Variants in ZNF407 observed in about 807,000 individuals in gnomAD.
The protein encoded by ZNF407 is zinc finger protein 407.
A neutral mutation model predicts 131.2 loss-of-function variants in ZNF407; 17 were observed. The observed-to-expected ratio is 0.13, with a 90% CI of 0.09 to 0.19. ZNF407 has a LOEUF of 0.19. Ranked by LOEUF, ZNF407 falls within the 10% of genes least tolerant of loss-of-function variation. ZNF407 has a pLI of 1.00. For synonymous variants in ZNF407, 1,156 were observed against 1,062.0 expected (o/e 1.09, Z -1.72); for missense variants, 2,681 against 2,830.6 (o/e 0.95, Z 1.20).
At chr18:74,830,336 G>A (rs994595721) in intron 4 of ZNF407, among the ~76,000 whole-genome samples, 4 of 152,188 alleles carry the variant, frequency 2.6e-5, no homozygotes, top group African/African-American at 9.7e-5. Context: ...AGGCTGCAGT[G>A]TTGTAGTGTG....
At chr18:74,937,190 C>T (rs187755065) in intron 8 of ZNF407, among the ~76,000 whole-genome samples, 1 of 152,186 alleles carries the variant, frequency 6.6e-6, no homozygotes, top group East Asian at 1.9e-4. Context: ...CCTGGGCAAG[C>T]TCTAGAAAGT....
At chr18:75,007,298 CT>C (rs1972922322) in intron 8 of ZNF407, among the ~76,000 whole-genome samples, 2 of 151,998 alleles carry the variant, frequency 1.3e-5, no homozygotes, top group South Asian at 4.2e-4. Flanking sequence ...CTCATTCCAT[CT>C]TTTTTCTTCT....
At position 74,631,715 on chromosome 18, in the gene ZNF407, G is replaced by A. The variant is rs777269843; in HGVS notation, c.696G>A (p.Met232Ile). Residue 232 changes from methionine to isoleucine, a missense_variant, in exon 2 of 9, where the codon ATG (methionine) becomes ATA (isoleucine). Around this residue, in one of 6 missense-constraint regions of ZNF407, gnomAD observed 1,789 missense variants for 1,748.7 expected, o/e 1.02. Coordinates refer to ENST00000299687, the MANE Select transcript of ZNF407 (RefSeq NM_017757.3). Reference protein sequence around the residue: ...HKAESSSALHMHIKQAHGPQK... With the variant: ...HKAESSSALHIHIKQAHGPQK... ...CAGAGAGCAGCTCAGCACTACATATGCATATCAAACAAGCACATGGGCCAC... is the reference window on the plus strand; with the variant it reads ...CAGAGAGCAGCTCAGCACTACATATACATATCAAACAAGCACATGGGCCAC... 1.2e-6 allele frequency: 2 copies of A among 1,613,970 alleles called. No homozygotes were observed. The highest frequency in any genetic ancestry group is 1.3e-5 in the African/African-American group (1 of 75,020).
intron 8 of ZNF407, among the ~76,000 whole-genome samples, chr18:75,059,993 A>G (rs9956604): frequency 0.97 from 147,094 of 152,262 alleles, 71,271 homozygotes; most frequent in East Asian, 1. Context: ...CTGTCCCCAG[A>G]CACGTGCCCA....
intron 1 of ZNF407, among the ~76,000 whole-genome samples, chr18:74,612,599 C>A (rs181651062): frequency 6.6e-6 from 1 of 152,248 alleles, no homozygotes; most frequent in East Asian, 1.9e-4. Context: ...AAAAAGAAGA[C>A]TGGATTCGAT....
chr18:74,948,103 T>A (rs1434524101), intron 8 of ZNF407, among the ~76,000 whole-genome samples: 4 of 152,220 alleles, frequency 2.6e-5, no homozygotes, highest in African/African-American at 9.6e-5. Context: ...AAAGAAGGTA[T>A]CTTTGTCTCT....
intron 4 of ZNF407, chr18:74,804,520 A>C (rs1380373628): frequency 2.0e-6 from 2 of 988,108 alleles, no homozygotes; most frequent in South Asian, 9.3e-5. Context: ...TCAGATGCAA[A>C]AATACCAGGC....
intron 4 of ZNF407, among the ~76,000 whole-genome samples, chr18:74,810,532 T>C (rs1970178978): frequency 6.6e-6 from 1 of 152,190 alleles, no homozygotes; most frequent in African/African-American, 2.4e-5. Flanking sequence ...AAATACTCTG[T>C]TTCCACTCAA....
intron 3 of ZNF407, among the ~76,000 whole-genome samples, chr18:74,712,525 A>T (rs1483199599): frequency 1.3e-5 from 2 of 152,082 alleles, no homozygotes; most frequent in Non-Finnish European, 2.9e-5. Flanking sequence ...CACATCTCCC[A>T]CCCCTGAGAT....
chr18:74,976,382 G>A (rs62089927), intron 8 of ZNF407, among the ~76,000 whole-genome samples: 6,029 of 152,078 alleles, frequency 0.04, 183 homozygotes, highest in Middle Eastern at 0.065. Context: ...GCTTCTATAC[G>A]AAGCTCCTTT....
chr18:74,836,597 G>A (rs927774707), intron 4 of ZNF407, among the ~76,000 whole-genome samples: 3 of 152,194 alleles, frequency 2.0e-5, no homozygotes, highest in South Asian at 2.1e-4. Context: ...AAGGAGGGTC[G>A]ATGCCTCCGT....
At chr18:74,950,355 A>G (rs967009697) in intron 8 of ZNF407, among the ~76,000 whole-genome samples, 5 of 152,226 alleles carry the variant, frequency 3.3e-5, no homozygotes, top group African/African-American at 1.2e-4. Context: ...AAGATGGAAA[A>G]ATCAATGCAG....
intron 3 of ZNF407, among the ~76,000 whole-genome samples, chr18:74,669,069 CT>C (rs1221734749): frequency 6.6e-6 from 1 of 152,160 alleles, no homozygotes; most frequent in Non-Finnish European, 1.5e-5. Context: ...CACTGTCTCT[CT>C]GTTGTCTTTC....
At chr18:74,992,166 G>T (rs75996533) in intron 8 of ZNF407, among the ~76,000 whole-genome samples, 1 of 152,228 alleles carries the variant, frequency 6.6e-6, no homozygotes, top group Non-Finnish European at 1.5e-5. Context: ...TGAGCAAAAC[G>T]AGGAGTCTTG....
chr18:74,866,094 C>A (rs1971006333), intron 4 of ZNF407, among the ~76,000 whole-genome samples: 1 of 152,280 alleles, frequency 6.6e-6, no homozygotes, highest in Non-Finnish European at 1.5e-5. Flanking sequence ...TAACTCCCTA[C>A]AACATGATCT....
At chr18:74,616,584 G>C (rs906105018) in intron 1 of ZNF407, among the ~76,000 whole-genome samples, 6 of 151,454 alleles carry the variant, frequency 4.0e-5, no homozygotes, top group African/African-American at 1.5e-4. Context: ...CTTTTTATTT[G>C]GAAGTGATTT....
intron 3 of ZNF407, among the ~76,000 whole-genome samples, chr18:74,666,475 T>G (rs1985934510): frequency 6.6e-6 from 1 of 152,176 alleles, no homozygotes. Flanking sequence ...CCAGTTGCCT[T>G]CCGTGTCTGG....
intron 4 of ZNF407, among the ~76,000 whole-genome samples, chr18:74,790,918 C>T (rs549437173): frequency 2.0e-5 from 3 of 152,240 alleles, no homozygotes; most frequent in South Asian, 2.1e-4. Flanking sequence ...CATTATGCTA[C>T]GGAGCTATGA....
At chr18:74,685,770 C>T (rs1335056972) in intron 3 of ZNF407, among the ~76,000 whole-genome samples, 1 of 152,210 alleles carries the variant, frequency 6.6e-6, no homozygotes, top group Non-Finnish European at 1.5e-5. Context: ...CTCTGAGGCT[C>T]CACTCACATG....
Sources: gnomAD v4.1 joint callset for allele counts (sites outside exome capture counted in the v4.1 genomes callset) on GRCh38, gnomAD v4.1.1 for gene constraint, gnomAD v4.1.1 regional missense constraint, MANE v1.5 for transcripts, NCBI Gene and HGNC (gene_info 2026-07-23, HGNC 2026-07-21) for gene names.